Variants in GALNTL6 observed in about 807,000 individuals in gnomAD.
GALNTL6 encodes the protein polypeptide N-acetylgalactosaminyltransferase like 6, also known as polypeptide N-acetylgalactosaminyltransferase-like 6.
Under a neutral mutation model 73.7 loss-of-function variants are expected in GALNTL6, and 46 were observed. The observed-to-expected ratio is 0.62, with a 90% confidence interval of 0.49 to 0.80. GALNTL6 has a LOEUF of 0.80. Among genes scored for constraint, GALNTL6 ranks in the 30% least tolerant of loss-of-function variants. GALNTL6 has a pLI of 0.00. For missense variants in GALNTL6, 604 were observed against 755.0 expected, an observed-to-expected ratio of 0.80 and a Z score of 2.34; for synonymous variants, 259 against 263.7, an observed-to-expected ratio of 0.98 and a Z score of 0.17.
At chr4:172,198,040 G>C (rs1365088419) in intron 2 of GALNTL6, among the ~76,000 whole-genome samples, 2 of 152,124 alleles carry the variant, frequency 1.3e-5, no homozygotes, top group East Asian at 3.9e-4. Context: ...GAACCCAGGA[G>C]GTGGAGCTTG....
At chr4:172,221,731 A>T (rs565857262) in intron 2 of GALNTL6, among the ~76,000 whole-genome samples, 1 of 151,990 alleles carries the variant, frequency 6.6e-6, no homozygotes, top group Non-Finnish European at 1.5e-5. Flanking sequence ...CTGAGCTAAC[A>T]GGTTTCTGTT....
At chr4:171,932,607 T>C (rs572732038) in intron 2 of GALNTL6, among the ~76,000 whole-genome samples, 2 of 152,284 alleles carry the variant, frequency 1.3e-5, no homozygotes, top group South Asian at 4.2e-4. Flanking sequence ...AGAGAGAAAG[T>C]CCTTCCAGAG....
chr4:171,918,679 G>A (rs188278524), intron 2 of GALNTL6, among the ~76,000 whole-genome samples: 290 of 152,134 alleles, frequency 1.9e-3, no homozygotes, highest in African/African-American at 6.4e-3. Context: ...GGATGTTCAC[G>A]GGATATTAGC....
At chr4:172,957,493 T>A (rs1269208604) in intron 10 of GALNTL6, among the ~76,000 whole-genome samples, 1 of 152,106 alleles carries the variant, frequency 6.6e-6, no homozygotes, top group East Asian at 1.9e-4. Context: ...AAGTGAGGAA[T>A]AGAAGTTGCA....
chr4:172,465,366 A>G (rs1300017876), intron 5 of GALNTL6, among the ~76,000 whole-genome samples: 1 of 151,852 alleles, frequency 6.6e-6, no homozygotes, highest in African/African-American at 2.4e-5. Flanking sequence ...AGTCCCAGCT[A>G]CTCGGGAGGC....
chr4:172,470,394 A>G (rs1733002241), intron 5 of GALNTL6, among the ~76,000 whole-genome samples: 1 of 152,226 alleles, frequency 6.6e-6, no homozygotes, highest in African/African-American at 2.4e-5. Flanking sequence ...AGAAAGAGTA[A>G]TCTTGCTCTT....
chr4:171,848,502 T>C (rs934487666), intron 2 of GALNTL6, among the ~76,000 whole-genome samples: 1 of 152,196 alleles, frequency 6.6e-6, no homozygotes, highest in African/African-American at 2.4e-5. Context: ...CTATCTATGA[T>C]ATTTTTTCCC....
chr4:172,236,566 A>AAG (rs1191513529), intron 3 of GALNTL6, among the ~76,000 whole-genome samples: 68 of 151,842 alleles, frequency 4.5e-4, no homozygotes, highest in African/African-American at 1.6e-3. Context: ...CTCAAATAAA[A>AAG]AAAAAAAGTA....
At chr4:172,632,451 T>A (rs1739439812) in intron 5 of GALNTL6, among the ~76,000 whole-genome samples, 1 of 152,158 alleles carries the variant, frequency 6.6e-6, no homozygotes, top group Non-Finnish European at 1.5e-5. Flanking sequence ...TAAAGGTCAC[T>A]CTTGTTATGC....
chr4:171,853,213 T>A (rs1735574357), intron 2 of GALNTL6, among the ~76,000 whole-genome samples: 1 of 151,860 alleles, frequency 6.6e-6, no homozygotes, highest in African/African-American at 2.4e-5. Context: ...TCATACCTTT[T>A]CTTTCAAAAA....
At chr4:172,908,152 C>A (rs1747005809) in intron 8 of GALNTL6, among the ~76,000 whole-genome samples, 1 of 152,154 alleles carries the variant, frequency 6.6e-6, no homozygotes, top group South Asian at 2.1e-4. Flanking sequence ...TTTCATCACA[C>A]TATTCAGAAC....
At chr4:171,817,959 A>C (rs2110796796) in intron 2 of GALNTL6, among the ~76,000 whole-genome samples, 1 of 151,656 alleles carries the variant, frequency 6.6e-6, no homozygotes, top group African/African-American at 2.4e-5. Context: ...TGTTATTTTC[A>C]ATTGACTTAA....
chr4:172,038,683 CA>C (rs1478639434), intron 2 of GALNTL6, among the ~76,000 whole-genome samples: 1 of 152,292 alleles, frequency 6.6e-6, no homozygotes, highest in East Asian at 1.9e-4. Flanking sequence ...ATTTGTTATT[CA>C]ATTCACAAAC....
At chr4:172,658,498 A>G (rs1731203719) in intron 5 of GALNTL6, among the ~76,000 whole-genome samples, 1 of 151,984 alleles carries the variant, frequency 6.6e-6, no homozygotes, top group Non-Finnish European at 1.5e-5. Flanking sequence ...AAAAGAAAAA[A>G]AAAAGAAATA....
chr4:172,045,129 T>C (rs917262159), intron 2 of GALNTL6, among the ~76,000 whole-genome samples: 1 of 152,092 alleles, frequency 6.6e-6, no homozygotes, highest in Non-Finnish European at 1.5e-5. Context: ...TTTGATATCA[T>C]ACAAAAACTT....
chr4:172,975,929 C>T (rs749548024), intron 10 of GALNTL6, among the ~76,000 whole-genome samples: 7 of 152,104 alleles, frequency 4.6e-5, no homozygotes, highest in African/African-American at 7.2e-5. Context: ...CTTCCCAGGC[C>T]CCTAAGAGTG....
intron 5 of GALNTL6, among the ~76,000 whole-genome samples, chr4:172,357,092 A>G (rs889021952): frequency 6.6e-6 from 1 of 152,156 alleles, no homozygotes; most frequent in Non-Finnish European, 1.5e-5. Context: ...TGACTTTAGC[A>G]CACCAATTCC....
intron 2 of GALNTL6, among the ~76,000 whole-genome samples, chr4:172,224,989 A>G (rs1442426199): frequency 6.6e-6 from 1 of 152,080 alleles, no homozygotes; most frequent in Non-Finnish European, 1.5e-5. Context: ...ATTTGTAGTG[A>G]TATCACAGTG....
chr4:172,337,811 T>A (rs978329149), intron 4 of GALNTL6, among the ~76,000 whole-genome samples: 2 of 151,828 alleles, frequency 1.3e-5, no homozygotes, highest in African/African-American at 2.4e-5. Flanking sequence ...TCTGGATACC[T>A]ATTTCTCTAG....
Sources: allele counts gnomAD v4.1 joint callset (sites outside exome capture counted in the v4.1 genomes callset), GRCh38; gene constraint gnomAD v4.1.1; transcripts MANE v1.5; gene names NCBI Gene and HGNC (gene_info 2026-07-23, HGNC 2026-07-21).